MCTP1: variants seen among roughly 807,000 people sequenced by gnomAD.
MCTP1 encodes multiple C2 and transmembrane domain-containing protein 1.
A neutral mutation model predicts 120.6 loss-of-function variants in MCTP1; 69 were observed. The ratio of observed to expected loss-of-function variants is 0.57; its 90% CI spans 0.47 to 0.70. The LOEUF (loss-of-function observed/expected upper bound fraction) is 0.70. Among genes scored for constraint, MCTP1 ranks in the 30% least tolerant of loss-of-function variants. The pLI is 0.00. For synonymous variants in MCTP1, 529 were observed against 493.1 expected (o/e 1.07, Z -0.96); for missense variants, 1,203 against 1,248.8 (o/e 0.96, Z 0.55).
At chr5:95,113,237 T>A (rs1486853394) in intron 1 of MCTP1, among the ~76,000 whole-genome samples, 1 of 151,314 alleles carries the variant, frequency 6.6e-6, no homozygotes, top group East Asian at 1.9e-4. Context: ...AATAGAAGGC[T>A]CCACCAATCG....
At chr5:95,097,368 C>T (rs1312378995) in intron 1 of MCTP1, among the ~76,000 whole-genome samples, 7 of 152,082 alleles carry the variant, frequency 4.6e-5, no homozygotes, top group African/African-American at 1.4e-4. Context: ...GAGAAAGAAG[C>T]GGATATGGCG....
At chr5:95,227,399 G>A (rs142559576) in intron 1 of MCTP1, among the ~76,000 whole-genome samples, 1 of 152,234 alleles carries the variant, frequency 6.6e-6, no homozygotes, top group African/African-American at 2.4e-5. Flanking sequence ...TATTTTTCTA[G>A]CCCTAATAGA....
At chr5:94,910,864 C>G (rs1189988963) in intron 9 of MCTP1, among the ~76,000 whole-genome samples, 1 of 149,126 alleles carries the variant, frequency 6.7e-6, no homozygotes, top group African/African-American at 2.5e-5. Context: ...TGAATGAAGG[C>G]TATGATAATT....
intron 17 of MCTP1, among the ~76,000 whole-genome samples, chr5:94,860,293 T>G (rs1260152283): frequency 6.6e-6 from 1 of 151,698 alleles, no homozygotes; most frequent in Non-Finnish European, 1.5e-5. Context: ...AGAGTAACTA[T>G]TAGTTATAAA....
At chr5:95,209,504 A>G (rs1344204407) in intron 1 of MCTP1, among the ~76,000 whole-genome samples, 2 of 152,140 alleles carry the variant, frequency 1.3e-5, no homozygotes, top group African/African-American at 4.8e-5. Flanking sequence ...CCTATAATCC[A>G]CAGAATTAAG....
intron 17 of MCTP1, among the ~76,000 whole-genome samples, chr5:94,863,677 C>T (rs1796244807): frequency 6.6e-6 from 1 of 151,838 alleles, no homozygotes; most frequent in Non-Finnish European, 1.5e-5. Context: ...TTTTAAAAAT[C>T]CATATGTTGT....
intron 19 of MCTP1, among the ~76,000 whole-genome samples, chr5:94,736,999 T>C (rs1764420820): frequency 6.6e-6 from 1 of 152,118 alleles, no homozygotes; most frequent in Admixed American, 6.5e-5. Flanking sequence ...ATTTTTCTTT[T>C]CTTTGGAGAC....
At chr5:95,261,301 A>G (rs919123557) in intron 1 of MCTP1, among the ~76,000 whole-genome samples, 1 of 152,202 alleles carries the variant, frequency 6.6e-6, no homozygotes, top group Admixed American at 6.5e-5. Flanking sequence ...GAAGCAGTAC[A>G]TATATGAATA....
chr5:94,982,159 A>G (rs1376331690), intron 2 of MCTP1, among the ~76,000 whole-genome samples: 1 of 152,216 alleles, frequency 6.6e-6, no homozygotes, highest in African/African-American at 2.4e-5. Context: ...AATGATACAT[A>G]CAAAATGAGT....
chr5:94,838,089 G>T (rs1032328273), intron 17 of MCTP1, among the ~76,000 whole-genome samples: 4 of 152,166 alleles, frequency 2.6e-5, no homozygotes, highest in African/African-American at 9.7e-5. Flanking sequence ...AACTCCAAGT[G>T]CTCTGAAACT....
intron 17 of MCTP1, among the ~76,000 whole-genome samples, chr5:94,851,243 A>T (rs1355357001): frequency 1.8e-4 from 27 of 152,124 alleles, no homozygotes; most frequent in Admixed American, 1.8e-3. Flanking sequence ...TTATAAAGAA[A>T]TTCCAACTCT....
chr5:94,952,195 C>CAAAAAAAAA (rs1554149863), intron 3 of MCTP1, among the ~76,000 whole-genome samples: 2 of 72,998 alleles, frequency 2.7e-5, no homozygotes, highest in African/African-American at 1.1e-4. Context: ...AAAAAAAAAG[C>CAAAAAAAAA]TATTGAATTG....
Position 94,873,213 on chromosome 5 carries a change from T to C in MCTP1, c.1962A>G (p.Glu654=), listed in dbSNP as rs769373287. Residue 654 remains glutamate (E), a synonymous_variant, in exon 13 of 23, where the codon GAA becomes GAG. Transcript: ENST00000515393. The part of the protein sequence containing the change: ...TGKSDPFCVV[E]LNNDRLLTHT... ...GTGTTAGCAGTCTATCGTTGTTCAG[T>C]TCTACCACACAAAATGGGTCACTTT... is the stretch of plus-strand genomic sequence containing the variant. 1.2e-6 allele frequency: 2 copies of C among 1,610,202 alleles called. No homozygotes were observed. Among genetic ancestry groups the C allele is most frequent in the South Asian group, 2.2e-5 (2 of 90,930 alleles).
At chr5:95,164,953 G>A (rs10476629) in intron 1 of MCTP1, among the ~76,000 whole-genome samples, 2,418 of 152,170 alleles carry the variant, frequency 0.016, 56 homozygotes, top group African/African-American at 0.055. Context: ...GGCTTTGGGA[G>A]GAGTCCTCTG....
intron 22 of MCTP1, 49 bp downstream of exon 22, chr5:94,708,463 G>T: frequency 8.7e-7 from 1 of 1,146,856 alleles, no homozygotes; most frequent in Non-Finnish European, 1.3e-6. Flanking sequence ...AAAACCCCAT[G>T]CCACACTACA....
intron 17 of MCTP1, among the ~76,000 whole-genome samples, chr5:94,814,114 A>G (rs1487537236): frequency 6.6e-6 from 1 of 152,240 alleles, no homozygotes; most frequent in East Asian, 1.9e-4. Context: ...ACTAAAAACC[A>G]GTGAATTCTG....
At chr5:95,281,989 C>T in intron 1 of MCTP1, among the ~76,000 whole-genome samples, 1 of 152,222 alleles carries the variant, frequency 6.6e-6, no homozygotes, top group East Asian at 1.9e-4. Flanking sequence ...TTCTCTCTGT[C>T]ATCTACTAAC....
At chr5:95,014,916 A>G (rs115413520) in intron 2 of MCTP1, among the ~76,000 whole-genome samples, 2,413 of 152,186 alleles carry the variant, frequency 0.016, 62 homozygotes, top group African/African-American at 0.056. Flanking sequence ...AGCCACTCCA[A>G]CCTTCAACAA....
At chr5:95,201,387 T>C (rs1005962690) in intron 1 of MCTP1, among the ~76,000 whole-genome samples, 2 of 151,628 alleles carry the variant, frequency 1.3e-5, no homozygotes, top group African/African-American at 4.8e-5. Context: ...TACCTTTTTG[T>C]TATGATTTAA....
Sources: allele counts gnomAD v4.1 joint callset (sites outside exome capture counted in the v4.1 genomes callset), GRCh38; gene constraint gnomAD v4.1.1; transcripts MANE v1.5; gene names NCBI Gene and HGNC (gene_info 2026-07-23, HGNC 2026-07-21).